The following CCDC73 variants were observed in gnomAD, a reference collection of about 807,000 sequenced individuals.
CCDC73 encodes the protein coiled-coil domain-containing protein 73.
CCDC73 carries 95 observed loss-of-function variants against 116.5 expected under a neutral mutation model. That is an observed-to-expected ratio of 0.82 (90% CI 0.69 to 0.97). The LOEUF (loss-of-function observed/expected upper bound fraction) is 0.97, where lower values mean the gene tolerates loss of function less well. Ranked by LOEUF, CCDC73 falls within the 50% of genes least tolerant of loss-of-function variation. CCDC73 has a pLI of 0.00. For synonymous variants in CCDC73, 398 were observed against 401.3 expected, an observed-to-expected ratio of 0.99 and a Z score of 0.10; for missense variants, 1,066 against 1,206.8, an observed-to-expected ratio of 0.88 and a Z score of 1.73.
At chr11:32,644,018 T>A (rs944621441) in intron 12 of CCDC73, among the ~76,000 whole-genome samples, 2 of 152,102 alleles carry the variant, frequency 1.3e-5, no homozygotes, top group Non-Finnish European at 2.9e-5. Context: ...CTTTTTAAAT[T>A]TTTTGGTCAA....
intron 9 of CCDC73, among the ~76,000 whole-genome samples, chr11:32,670,443 A>T (rs1011839629): frequency 1.3e-5 from 2 of 151,760 alleles, no homozygotes; most frequent in Non-Finnish European, 2.9e-5. Flanking sequence ...AATGGCGTGA[A>T]CCTGGGGGGC....
At chr11:32,807,400 T>C in the CCDC73 span, among the ~76,000 whole-genome samples, 1 of 151,868 alleles carries the variant, frequency 6.6e-6, no homozygotes, top group Admixed American at 6.6e-5. Flanking sequence ...AATTCAAGAG[T>C]AAGAGCTACC....
At chr11:32,642,553 T>C (rs2133250877) in intron 12 of CCDC73, among the ~76,000 whole-genome samples, 1 of 152,078 alleles carries the variant, frequency 6.6e-6, no homozygotes, top group South Asian at 2.1e-4. Flanking sequence ...AACTTAAATA[T>C]TTACCATATT....
chr11:32,759,579 G>A lies in CCDC73; in HGVS notation c.135+530C>T, dbSNP rs116525988. On this transcript the variant is annotated intron_variant, in intron 2 of 17. Transcript: ENST00000335185. ...ACTCCTGGCCTCAAGTGATCCACCT[G>A]CCTCATCTTTTACAATTTTATACTA... 7.2e-3 allele frequency among the ~76,000 whole-genome samples: 1,097 copies of A among 152,078 alleles called. 17 individuals carry two copies. The highest frequency in any genetic ancestry group is 0.026 in the African/African-American group (1,058 of 41,486).
Position 32,654,896 on chromosome 11 carries a change from T to G in CCDC73, c.722A>C (p.Asn241Thr), listed in dbSNP as rs1383040148. Residue 241 changes from asparagine (N) to threonine (T), a missense_variant, in exon 10 of 18, where the codon AAT becomes ACT. Coordinates refer to ENST00000335185, the MANE Select transcript of CCDC73 (RefSeq NM_001008391.4). The part of the protein sequence containing the change: ...CQYKMGEENI[N>T]LTIKEQKFQE... ...AAATTTTTGTTCTTTAATTGTTAGA[T>G]TGATGTTTTCTTCTCCCATCTTATA... 1.9e-6 allele frequency: 3 copies of G among 1,602,630 alleles called. No homozygotes were observed. Among genetic ancestry groups the G allele is most frequent in the Non-Finnish European group, 2.6e-6 (3 of 1,175,770 alleles).
At chr11:32,678,475 T>C (rs1021890672) in intron 7 of CCDC73, among the ~76,000 whole-genome samples, 14 of 152,160 alleles carry the variant, frequency 9.2e-5, no homozygotes, top group African/African-American at 3.4e-4. Flanking sequence ...TTAATATAAA[T>C]AAAGCACTAA....
intron 1 of CCDC73, among the ~76,000 whole-genome samples, chr11:32,771,840 A>T (rs918890012): frequency 1.4e-4 from 21 of 152,222 alleles, no homozygotes; most frequent in Admixed American, 1.4e-3. Flanking sequence ...GATGAAATCT[A>T]TGTCTCCACT....
chr11:32,748,408 C>T (rs1396202452), intron 2 of CCDC73, among the ~76,000 whole-genome samples: 2 of 152,116 alleles, frequency 1.3e-5, no homozygotes, highest in Admixed American at 1.3e-4. Flanking sequence ...AAGCTAATTA[C>T]CAAACAAGCA....
intron 2 of CCDC73, among the ~76,000 whole-genome samples, chr11:32,743,142 C>A (rs1425575635): frequency 2.6e-5 from 4 of 152,130 alleles, no homozygotes; most frequent in Non-Finnish European, 4.4e-5. Context: ...AATGCGGGCT[C>A]TTTTTTGGTT....
At chr11:32,670,287 C>T (rs1856023998) in intron 9 of CCDC73, among the ~76,000 whole-genome samples, 2 of 152,134 alleles carry the variant, frequency 1.3e-5, no homozygotes, top group East Asian at 3.9e-4. Context: ...CTTTGGGAGG[C>T]AGAGGCAGGC....
intron 1 of CCDC73, among the ~76,000 whole-genome samples, chr11:32,783,209 C>A (rs2133398748): frequency 6.6e-6 from 1 of 151,952 alleles, no homozygotes. Context: ...CTGGAATTTT[C>A]AATATCCATA....
intron 2 of CCDC73, among the ~76,000 whole-genome samples, chr11:32,729,471 C>A (rs1850057317): frequency 6.6e-6 from 1 of 152,090 alleles, no homozygotes; most frequent in African/African-American, 2.4e-5. Context: ...AATAGTGCTG[C>A]AATGAACATA....
chr11:32,669,547 C>A (rs1856017601), intron 9 of CCDC73, among the ~76,000 whole-genome samples: 1 of 152,064 alleles, frequency 6.6e-6, no homozygotes, highest in Admixed American at 6.6e-5. Flanking sequence ...AATACTATGT[C>A]TTATTCATTC....
intron 14 of CCDC73, among the ~76,000 whole-genome samples, chr11:32,629,526 A>G (rs1033846525): frequency 6.6e-6 from 1 of 151,646 alleles, no homozygotes; most frequent in African/African-American, 2.4e-5. Context: ...CAGCCTATTG[A>G]GTAGCTGGGA....
chr11:32,743,923 G>A lies in CCDC73; in HGVS notation c.135+16186C>T, dbSNP rs1299284534. Reference sequence around the variant, plus strand: ...TTTCTTTCTCTTGCCTGACTGCCGTGGCCAGAACTTCCAATACTGTGTTGA... The same window carrying A: ...TTTCTTTCTCTTGCCTGACTGCCGTAGCCAGAACTTCCAATACTGTGTTGA... On this transcript the variant is annotated intron_variant, in intron 2 of 17. Transcript: ENST00000335185. Among the ~76,000 whole-genome samples the A allele has an allele frequency of 3.3e-5, 5 of 152,216 alleles. No individual in the cohort carries two copies. In the South Asian group the frequency reaches 6.2e-4, roughly 19 times the overall value.
intron 2 of CCDC73, among the ~76,000 whole-genome samples, chr11:32,757,712 T>C (rs565225373): frequency 3.9e-5 from 6 of 152,298 alleles, no homozygotes; most frequent in Admixed American, 3.9e-4. Flanking sequence ...CAGCATAACA[T>C]CTTCCAGTCG....
chr11:32,805,020 G>A, the CCDC73 span, among the ~76,000 whole-genome samples: 1 of 152,132 alleles, frequency 6.6e-6, no homozygotes, highest in Non-Finnish European at 1.5e-5. Flanking sequence ...ACCACCTTAA[G>A]AGAACAGAAA....
chr11:32,733,170 G>C (rs1348470797), intron 2 of CCDC73, among the ~76,000 whole-genome samples: 2 of 152,172 alleles, frequency 1.3e-5, no homozygotes, highest in African/African-American at 4.8e-5. Flanking sequence ...AAGAGACAAA[G>C]AAGGCCATTA....
chr11:32,729,504 T>G (rs1041439511), intron 2 of CCDC73, among the ~76,000 whole-genome samples: 1 of 152,216 alleles, frequency 6.6e-6, no homozygotes, highest in Non-Finnish European at 1.5e-5. Context: ...TTAGTATTTT[T>G]ATAAAACAAT....
Sources: gnomAD v4.1 joint callset for allele counts (sites outside exome capture counted in the v4.1 genomes callset) on GRCh38, gnomAD v4.1.1 for gene constraint, MANE v1.5 for transcripts, NCBI Gene and HGNC (gene_info 2026-07-23, HGNC 2026-07-21) for gene names.